The following CHEK1 variants were observed in gnomAD, a reference collection of about 807,000 sequenced individuals.
The protein encoded by CHEK1 is serine/threonine-protein kinase Chk1.
CHEK1 carries 32 observed loss-of-function variants against 60.2 expected under a neutral mutation model. That is an observed-to-expected ratio of 0.53 (90% CI 0.40 to 0.71). The LOEUF is 0.71. Among genes scored for constraint, CHEK1 ranks in the 30% least tolerant of loss-of-function variants. CHEK1 has a pLI of 0.00. For missense variants in CHEK1, 399 were observed against 564.6 expected, an observed-to-expected ratio of 0.71 and a Z score of 2.97; for synonymous variants, 179 against 187.2, an observed-to-expected ratio of 0.96 and a Z score of 0.36.
At chr11:125,677,345 A>G (rs553610958), downstream of CHEK1, among the ~76,000 whole-genome samples, 4 of 152,190 alleles carry the variant, frequency 2.6e-5, no homozygotes, top group Non-Finnish European at 1.5e-5. Context: ...ATAGCTTTAC[A>G]TTCCATGTTC....
At chr11:125,636,720 C>CT (rs111879270) in intron 7 of CHEK1, among the ~76,000 whole-genome samples, 11,611 of 148,254 alleles carry the variant, frequency 0.078, 525 homozygotes, top group African/African-American at 0.12. Context: ...CACTTTGAAG[C>CT]TTTTTTTTTT....
chr11:125,664,005 G>A (rs1322608275), intron 13 of CHEK1, among the ~76,000 whole-genome samples: 1 of 152,110 alleles, frequency 6.6e-6, no homozygotes, highest in East Asian at 1.9e-4. Flanking sequence ...TCAGATGGTT[G>A]TAGGTGTGCA....
At position 125,627,658 on chromosome 11, in the gene CHEK1, T is replaced by C. The variant is rs748726957; in HGVS notation, c.117T>C (p.Ile39=). Residue 39 remains isoleucine (I), a synonymous_variant, in exon 3 of 13, where the codon ATT becomes ATC. Transcript: ENST00000438015. ...CTGAAGAAGCAGTCGCAGTGAAGAT[T>C]GTAGATATGAAGCGTGCCGTAGACT... ...RVTEEAVAVK[I]VDMKRAVDCP... 36 of 1,613,798 alleles carry C rather than the reference T, an allele frequency of 2.2e-5. No homozygotes were observed.
In CHEK1 at chr11:125,656,459, A is replaced by G. The variant is rs1040559377; in HGVS notation, c.*1139A>G. ...ATTAGAGTTTATCACATATTAATGT[A>G]TACTGGCAAATTGTGTTACTGGAGT... On this transcript the variant is annotated 3_prime_UTR_variant, in exon 13 of 13. Coordinates refer to ENST00000438015, the MANE Select transcript of CHEK1 (RefSeq NM_001114122.3). The G allele has an allele frequency of 9.4e-6, 2 of 213,886 alleles. No individual in the cohort carries two copies. Among genetic ancestry groups the G allele is most frequent in the East Asian group, 7.0e-5 (1 of 14,294 alleles). The allele number at this position is 213,886 out of a possible 1,614,324, so 13.2% of individuals were successfully genotyped here. A position where few individuals can be genotyped will look rare whatever the true frequency, so the allele number is the denominator to read the frequency against.
chr11:125,640,121 CT>C (rs1241203551), intron 8 of CHEK1, among the ~76,000 whole-genome samples: 1 of 152,194 alleles, frequency 6.6e-6, no homozygotes, highest in Admixed American at 6.5e-5. Context: ...TCAATTTCAT[CT>C]ATTTTGTTGC....
intron 11 of CHEK1, among the ~76,000 whole-genome samples, chr11:125,649,261 A>G (rs755102203): frequency 6.6e-6 from 1 of 152,158 alleles, no homozygotes; most frequent in Non-Finnish European, 1.5e-5. Context: ...ATCATAGTGC[A>G]ATGCAGCCTC....
At chr11:125,637,794 C>T (rs1941132326) in intron 8 of CHEK1, among the ~76,000 whole-genome samples, 1 of 152,162 alleles carries the variant, frequency 6.6e-6, no homozygotes, top group Admixed American at 6.5e-5. Flanking sequence ...GAAGAAATTA[C>T]ATTAAATCTA....
At position 125,625,975 on chromosome 11, in the gene CHEK1, C is replaced by T. The variant is rs1409094041; in HGVS notation, c.-58C>T. ...TCAAGTTTTGGCGGGAAAAGCGCTGCATTTGGATTCCTGCAGTGGTGGGCA... is the reference window on the plus strand; with the variant it reads ...TCAAGTTTTGGCGGGAAAAGCGCTGTATTTGGATTCCTGCAGTGGTGGGCA... On this transcript the variant is annotated 5_prime_UTR_variant, in exon 1 of 13. Coordinates refer to ENST00000438015, the MANE Select transcript of CHEK1 (RefSeq NM_001114122.3). 3 of 702,584 alleles carry T rather than the reference C, an allele frequency of 4.3e-6. No homozygotes were observed. The highest frequency in any genetic ancestry group is 3.5e-5 in the African/African-American group (2 of 57,400). 43.5% of individuals were successfully genotyped at this position (702,584 alleles called of 1,614,324 possible).
At chr11:125,671,237 C>T (rs528647773) in intron 13 of CHEK1, among the ~76,000 whole-genome samples, 16 of 152,188 alleles carry the variant, frequency 1.1e-4, no homozygotes, top group African/African-American at 3.9e-4. Context: ...TTTCCCTCAA[C>T]ACCTATACCT....
At chr11:125,664,557 T>C (rs1942068091) in intron 13 of CHEK1, among the ~76,000 whole-genome samples, 1 of 152,116 alleles carries the variant, frequency 6.6e-6, no homozygotes, top group African/African-American at 2.4e-5. Flanking sequence ...ATATACCTAT[T>C]GGCCATTTGT....
At chr11:125,636,596 A>G (rs1941083320) in intron 7 of CHEK1, among the ~76,000 whole-genome samples, 1 of 152,064 alleles carries the variant, frequency 6.6e-6, no homozygotes, top group African/African-American at 2.4e-5. Flanking sequence ...ACTTTAAATA[A>G]TAGTTTTTCA....
chr11:125,660,261 A>T (rs1336982011), downstream of CHEK1, among the ~76,000 whole-genome samples: 1 of 152,228 alleles, frequency 6.6e-6, no homozygotes, highest in Non-Finnish European at 1.5e-5. Context: ...GCTTCTGTAT[A>T]TCTCCATGTA....
At chr11:125,672,878 C>A (rs1348975508) in intron 13 of CHEK1, among the ~76,000 whole-genome samples, 2 of 152,184 alleles carry the variant, frequency 1.3e-5, no homozygotes, top group East Asian at 3.9e-4. Flanking sequence ...AACTTGCCCC[C>A]CATCAGTTGC....
chr11:125,625,316 T>C lies in CHEK1; in HGVS notation c.-717T>C, dbSNP rs1057733. On this transcript the variant is annotated 5_prime_UTR_variant, in exon 1 of 13. Coordinates refer to ENST00000438015, the MANE Select transcript of CHEK1 (RefSeq NM_001114122.3). ...AAAAGGCAAAACTGGTTATCCTGAC[T>C]TCAAGCTCCAACATAAACTGCTCGC... 0.29 allele frequency: 68,882 copies of C among 238,642 alleles called. 10,213 individuals carry two copies. Among genetic ancestry groups the C allele is most frequent in the East Asian group, 0.38 (6,219 of 16,544 alleles). 14.8% of individuals were successfully genotyped at this position (238,642 alleles called of 1,614,324 possible).
chr11:125,681,063 TAAA>T (rs11398416), downstream of CHEK1: 6 of 168,582 alleles, frequency 3.6e-5, no homozygotes, highest in African/African-American at 7.4e-5. This position sits in a 1 kb window ranked among gnomAD's most constrained non-coding sequence, Gnocchi z 4.2. Context: ...GCCCTATCTT[TAAA>T]AAAAAAAAAA....
rs1450366235 is a variant in CHEK1, at chr11:125,625,799, T to C, written c.-234T>C. On this transcript the variant is annotated 5_prime_UTR_variant, in exon 1 of 13. Transcript: ENST00000438015. ...TCCTTAAATCTCTTCAGCCAGGATC[T>C]CTCCCCGACTGCAAAGCAGCCCTGG... 2.9e-6 allele frequency: 2 copies of C among 700,610 alleles called. No homozygotes were observed. The highest frequency in any genetic ancestry group is 5.4e-5 in the East Asian group (2 of 37,218). The allele number at this position is 700,610 out of a possible 1,614,324, so 43.4% of individuals were successfully genotyped here. A position where few individuals can be genotyped will look rare whatever the true frequency, so the allele number is the denominator to read the frequency against.
intron 6 of CHEK1, among the ~76,000 whole-genome samples, chr11:125,634,962 G>T (rs1462395325): frequency 1.9e-4 from 28 of 145,860 alleles, no homozygotes; most frequent in Non-Finnish European, 9.1e-5. Context: ...CTGTTTTTTG[G>T]TTTTTTTTTT....
At chr11:125,673,428 C>G (rs912312144) in intron 13 of CHEK1, among the ~76,000 whole-genome samples, 2 of 151,968 alleles carry the variant, frequency 1.3e-5, no homozygotes, top group African/African-American at 4.8e-5. Context: ...GTCTCGATCT[C>G]CTGACCTTGT....
Position 125,653,922 on chromosome 11 carries a change from A to G in CHEK1, c.1335+75A>G, listed in dbSNP as rs1218866042. On this transcript the variant is annotated intron_variant, in intron 12 of 12. Transcript: ENST00000438015. The surrounding 1 kb of genome is among the most constrained non-coding windows in gnomAD (Gnocchi z 4.3). ...ATTTTTTTAATGGCATTATGTTTGTATATATGTGGCATTTGTAAATAGGTT... is the reference window on the plus strand; with the variant it reads ...ATTTTTTTAATGGCATTATGTTTGTGTATATGTGGCATTTGTAAATAGGTT... 2.5e-6 allele frequency: 2 copies of G among 800,116 alleles called. No individual in the cohort carries two copies. Among genetic ancestry groups the G allele is most frequent in the Non-Finnish European group, 3.9e-6 (2 of 506,928 alleles). 49.6% of individuals were successfully genotyped at this position (800,116 alleles called of 1,614,324 possible).
Sources: gnomAD v4.1 joint callset for allele counts (sites outside exome capture counted in the v4.1 genomes callset) on GRCh38, gnomAD v4.1.1 for gene constraint, Gnocchi (gnomAD v3.1) non-coding constraint, MANE v1.5 for transcripts, NCBI Gene and HGNC (gene_info 2026-07-23, HGNC 2026-07-21) for gene names.